CEP112: variants seen among roughly 807,000 people sequenced by gnomAD.
CEP112 encodes centrosomal protein 112.
In CEP112, 127 loss-of-function variants were observed where a neutral mutation model predicts 153.0. The ratio of observed to expected loss-of-function variants is 0.83; its 90% CI spans 0.72 to 0.96. The LOEUF is 0.96. Among genes scored for constraint, CEP112 ranks in the 40% least tolerant of loss-of-function variants. The pLI, the probability that CEP112 is intolerant of heterozygous loss-of-function variation, is 0.00. For synonymous variants in CEP112, 358 were observed against 374.4 expected (o/e 0.96, Z 0.51); for missense variants, 1,089 against 1,101.2 (o/e 0.99, Z 0.16).
chr17:66,029,793 T>C, intron 13 of CEP112, 76 bp downstream of exon 13: 1 of 1,245,948 alleles, frequency 8.0e-7, no homozygotes, highest in Non-Finnish European at 1.1e-6. Flanking sequence ...GTGTAATTAA[T>C]TTTGGCAGAT....
Position 66,070,045 on chromosome 17 carries a change from T to C in CEP112, c.769-44A>G, listed in dbSNP as rs56728223. ...AAGGGTGTTATTAATTTACTTTCCC[T>C]TTGGCAAAAAATACACAATTAAACT... On this transcript the variant is annotated intron_variant, in intron 8 of 26. Coordinates refer to ENST00000535342, the MANE Select transcript of CEP112 (RefSeq NM_001199165.4). The C allele has an allele frequency of 0.12, 135,459 of 1,164,144 alleles. 9,658 individuals carry two copies. The highest frequency in any genetic ancestry group is 0.32 in the African/African-American group (20,626 of 65,264). 72.1% of individuals were successfully genotyped at this position (1,164,144 alleles called of 1,614,324 possible). A position where few individuals can be genotyped will look rare whatever the true frequency, so the allele number is the denominator to read the frequency against.
intron 21 of CEP112, among the ~76,000 whole-genome samples, chr17:65,799,087 G>A (rs989319912): frequency 6.6e-6 from 1 of 152,086 alleles, no homozygotes; most frequent in Non-Finnish European, 1.5e-5. Context: ...TGGTTTAAAA[G>A]GTTTAAGTAT....
chr17:66,064,511 T>C (rs894488402), intron 10 of CEP112, among the ~76,000 whole-genome samples: 1 of 152,184 alleles, frequency 6.6e-6, no homozygotes, highest in Admixed American at 6.5e-5. Flanking sequence ...AATCTTATCA[T>C]AGCTTACTAA....
intron 20 of CEP112, among the ~76,000 whole-genome samples, chr17:65,901,210 C>G (rs958768778): frequency 6.6e-6 from 1 of 152,118 alleles, no homozygotes; most frequent in African/African-American, 2.4e-5. Flanking sequence ...GGAAGAATAA[C>G]TACAGGAAGA....
At chr17:66,103,231 A>G (rs962608713) in intron 6 of CEP112, among the ~76,000 whole-genome samples, 4 of 152,042 alleles carry the variant, frequency 2.6e-5, no homozygotes, top group African/African-American at 4.8e-5. Flanking sequence ...AAAAAAAAAA[A>G]CAAACCATGA....
At chr17:66,086,565 G>A (rs969098988) in intron 8 of CEP112, among the ~76,000 whole-genome samples, 5 of 151,412 alleles carry the variant, frequency 3.3e-5, no homozygotes, top group African/African-American at 1.2e-4. Flanking sequence ...CACCATGCCC[G>A]AGTAATTTTT....
chr17:66,175,144 G>A lies in CEP112; in HGVS notation c.370C>T (p.Leu124=). ...TGTTCACTTGTCTCCAGCTCACCCA[G>A]TACCCAGGCTGGTAATCCCTCTGGG... ...SSPEGLPAWV[L]GELETSEHKL... Residue 124 remains leucine (L), a synonymous_variant, in exon 4 of 27, where the codon CTG becomes TTG. Transcript: ENST00000535342. 1 of 1,613,330 alleles carries A rather than the reference G, an allele frequency of 6.2e-7. No individual in the cohort carries two copies. Among genetic ancestry groups the A allele is most frequent in the Non-Finnish European group, 8.5e-7 (1 of 1,179,600 alleles).
intron 20 of CEP112, among the ~76,000 whole-genome samples, chr17:65,897,277 G>A (rs555003212): frequency 1.3e-5 from 2 of 152,040 alleles, no homozygotes; most frequent in Non-Finnish European, 2.9e-5. Flanking sequence ...TACTACCTCA[G>A]GACCAAGCAA....
intron 4 of CEP112, among the ~76,000 whole-genome samples, chr17:66,165,271 T>G (rs2071904251): frequency 6.6e-6 from 1 of 152,092 alleles, no homozygotes; most frequent in Non-Finnish European, 1.5e-5. Context: ...CTATTTAAGT[T>G]AATTAAAATT....
At chr17:66,116,987 C>T (rs2069328743) in intron 6 of CEP112, among the ~76,000 whole-genome samples, 1 of 151,816 alleles carries the variant, frequency 6.6e-6, no homozygotes, top group Non-Finnish European at 1.5e-5. Flanking sequence ...CTGCCTCAGC[C>T]TCCTGAGTAA....
intron 17 of CEP112, among the ~76,000 whole-genome samples, chr17:65,967,519 TCTGA>T (rs1295854108): frequency 3.9e-5 from 6 of 152,018 alleles, no homozygotes; most frequent in Non-Finnish European, 8.8e-5. Context: ...AAAACTATAA[TCTGA>T]CTAAGGGAAA....
chr17:66,093,960 A>G (rs1484027609), intron 8 of CEP112, among the ~76,000 whole-genome samples: 1 of 152,228 alleles, frequency 6.6e-6, no homozygotes, highest in Non-Finnish European at 1.5e-5. Context: ...GAGCACAGTA[A>G]CTGGCATAAA....
chr17:65,703,357 A>G (rs2048735730), intron 23 of CEP112, among the ~76,000 whole-genome samples: 1 of 151,932 alleles, frequency 6.6e-6, no homozygotes, highest in Non-Finnish European at 1.5e-5. Flanking sequence ...CTAAAACTAC[A>G]AAAATTAGCC....
intron 16 of CEP112, among the ~76,000 whole-genome samples, chr17:66,022,771 T>A (rs2145638384): frequency 6.7e-6 from 1 of 148,628 alleles, no homozygotes; most frequent in African/African-American, 2.5e-5. Flanking sequence ...TTTAAAGAGA[T>A]TCAATGAGAT....
rs1292251612 is a variant in CEP112, at chr17:65,680,544, C to T, written c.2697+8585G>A. ...CATTAATTCACCGAGCACCATTGGG[C>T]CTGATGCTGGGCTAAACGCTGGGAT... is the stretch of plus-strand genomic sequence containing the variant. On this transcript the variant is annotated intron_variant, in intron 24 of 26. Coordinates refer to ENST00000535342, the MANE Select transcript of CEP112 (RefSeq NM_001199165.4). Among the ~76,000 whole-genome samples the T allele has an allele frequency of 2.0e-5, 3 of 152,106 alleles. No individual in the cohort carries two copies. In the South Asian group the frequency reaches 6.2e-4, roughly 32 times the overall value.
chr17:65,808,883 A>C (rs1296652795), intron 21 of CEP112, among the ~76,000 whole-genome samples: 2 of 152,212 alleles, frequency 1.3e-5, no homozygotes, highest in African/African-American at 4.8e-5. Flanking sequence ...ATAAAAATGA[A>C]CCAATACAAT....
intron 21 of CEP112, among the ~76,000 whole-genome samples, chr17:65,835,864 TC>T (rs2057287301): frequency 6.6e-6 from 1 of 152,200 alleles, no homozygotes; most frequent in Non-Finnish European, 1.5e-5. Context: ...CACTATGTGT[TC>T]AGCATGCAGA....
At position 66,096,637 on chromosome 17, in the gene CEP112, A is replaced by T. The variant is rs1220696401; in HGVS notation, c.643-5T>A. 1 of 1,553,972 alleles carries T rather than the reference A, an allele frequency of 6.4e-7. No individual in the cohort carries two copies. Among genetic ancestry groups the T allele is most frequent in the East Asian group, 2.3e-5 (1 of 44,188 alleles). On this transcript the variant is annotated splice_polypyrimidine_tract_variant and splice_region_variant and intron_variant, in intron 6 of 26. Coordinates refer to ENST00000535342, the MANE Select transcript of CEP112 (RefSeq NM_001199165.4). The stretch of plus-strand genomic sequence containing the variant: ...CAGGTATCGAGGATTTTCTATCTGA[A>T]AATTTAAAAATAAAACAAAATAAGG...
chr17:66,086,078 C>A (rs971057253), intron 8 of CEP112, among the ~76,000 whole-genome samples: 5 of 151,160 alleles, frequency 3.3e-5, no homozygotes, highest in South Asian at 2.1e-4. Flanking sequence ...AAGAGAATAC[C>A]CATTAAATTT....
Sources: gnomAD v4.1 joint callset for allele counts (sites outside exome capture counted in the v4.1 genomes callset) on GRCh38, gnomAD v4.1.1 for gene constraint, MANE v1.5 for transcripts, NCBI Gene and HGNC (gene_info 2026-07-23, HGNC 2026-07-21) for gene names.